The following NHERF2 variants were observed in gnomAD, a reference collection of about 807,000 sequenced individuals.
The protein encoded by NHERF2 is NHERF family PDZ scaffold protein 2.
the NHERF2 span, among the ~76,000 whole-genome samples, chr16:2,032,443 T>A: frequency 6.6e-6 from 1 of 152,188 alleles, no homozygotes; most frequent in Non-Finnish European, 1.5e-5. The surrounding 1 kb of genome is among the most constrained non-coding windows in gnomAD (Gnocchi z 4.0). Context: ...ATGCCTCAGA[T>A]GGTCAGGGAG....
chr16:2,035,023 C>T, the NHERF2 span, among the ~76,000 whole-genome samples: 1 of 152,100 alleles, frequency 6.6e-6, no homozygotes, highest in East Asian at 1.9e-4. Flanking sequence ...CCCAGCTGAG[C>T]CCCTGTGGGG....
the NHERF2 span, chr16:2,038,476 C>G: frequency 1.4e-5 from 5 of 369,654 alleles, no homozygotes; most frequent in African/African-American, 7.5e-5. Flanking sequence ...AAACCTTTCT[C>G]TGCAAACCAT....
chr16:2,034,316 G>A, the NHERF2 span, among the ~76,000 whole-genome samples: 2 of 151,326 alleles, frequency 1.3e-5, no homozygotes, highest in South Asian at 2.1e-4. Context: ...CCTTCCCTGC[G>A]TCCCAGGCCA....
chr16:2,036,334 G>C, the NHERF2 span: 1 of 1,608,144 alleles, frequency 6.2e-7, no homozygotes, highest in Admixed American at 1.7e-5. Flanking sequence ...GATGTCAGTG[G>C]GCCCCTGAGG....
chr16:2,027,019 AGCCGCTGCGGCCGCGCCTGT>A, the NHERF2 span: 1 of 1,190,210 alleles, frequency 8.4e-7, no homozygotes, highest in East Asian at 3.6e-5. Context: ...GCCGCGCCGG[AGCCGCTGCGGCCGCGCCTGT>A]GCCGCTTGGT....
the NHERF2 span, among the ~76,000 whole-genome samples, chr16:2,031,721 T>C: frequency 6.6e-6 from 1 of 152,194 alleles, no homozygotes; most frequent in Non-Finnish European, 1.5e-5. Context: ...TTCTCTCTTC[T>C]GGCATCAAGA....
chr16:2,033,321 G>A, the NHERF2 span: 16 of 1,532,864 alleles, frequency 1.0e-5, no homozygotes, highest in East Asian at 2.4e-5. Flanking sequence ...CCGGCCGGAC[G>A]CCTGCCACTT....
the NHERF2 span, chr16:2,035,606 G>A: frequency 1.0e-6 from 1 of 986,496 alleles, no homozygotes; most frequent in Non-Finnish European, 1.2e-6. Flanking sequence ...GCCGCACCCT[G>A]GCCCACCCCC....
the NHERF2 span, chr16:2,038,837 G>A: frequency 1.3e-5 from 2 of 155,610 alleles, no homozygotes; most frequent in Non-Finnish European, 2.8e-5. Context: ...GTGTGAGAGC[G>A]GCACCCGGGA....
At chr16:2,027,897 T>C in the NHERF2 span, among the ~76,000 whole-genome samples, 139,444 of 152,274 alleles carry the variant, frequency 0.92, 64,110 homozygotes, top group African/African-American at 0.98. Flanking sequence ...GCTGAGTTGG[T>C]CATTGCTGGC....
the NHERF2 span, chr16:2,037,098 T>C: frequency 2.2e-6 from 3 of 1,366,946 alleles, no homozygotes; most frequent in Admixed American, 4.1e-5. Flanking sequence ...CGAGGTGTGC[T>C]AGTGACACCC....
chr16:2,031,119 T>C, the NHERF2 span, among the ~76,000 whole-genome samples: 1 of 152,172 alleles, frequency 6.6e-6, no homozygotes, highest in African/African-American at 2.4e-5. Context: ...TGAAGCTGGC[T>C]GCCCCTAGGA....
At chr16:2,036,218 G>T in the NHERF2 span, 2 of 1,208,740 alleles carry the variant, frequency 1.7e-6, no homozygotes, top group Non-Finnish European at 2.3e-6. Context: ...GGGCCTGCCC[G>T]TGGGGGGCAC....
At chr16:2,036,893 C>T in the NHERF2 span, 1 of 1,602,700 alleles carries the variant, frequency 6.2e-7, no homozygotes, top group South Asian at 1.1e-5. Flanking sequence ...TGGGCCACGG[C>T]CCAGGGCACA....
the NHERF2 span, chr16:2,037,658 G>C: frequency 6.3e-7 from 1 of 1,584,450 alleles, no homozygotes; most frequent in Non-Finnish European, 8.6e-7. Context: ...CCTTGGGGTA[G>C]GCGTCTGTGG....
the NHERF2 span, among the ~76,000 whole-genome samples, chr16:2,028,318 T>A: frequency 2.9e-4 from 44 of 152,282 alleles, no homozygotes; most frequent in African/African-American, 9.9e-4. Flanking sequence ...TGCTGAAGAA[T>A]GTGGGGATCA....
chr16:2,036,319 T>C, the NHERF2 span: 4 of 1,603,746 alleles, frequency 2.5e-6, no homozygotes, highest in Non-Finnish European at 3.4e-6. Context: ...CCGTTGGGCC[T>C]GCAGGATGTC....
At chr16:2,038,276 C>T in the NHERF2 span, 12 of 544,986 alleles carry the variant, frequency 2.2e-5, no homozygotes, top group Non-Finnish European at 3.3e-5. Context: ...AGCGAGCGCG[C>T]GGCAGCCGCG....
chr16:2,029,557 C>G, the NHERF2 span: 3 of 1,551,958 alleles, frequency 1.9e-6, no homozygotes, highest in Admixed American at 1.9e-5. Flanking sequence ...GCCACTGACC[C>G]GCTCCTATCG....
Sources: allele counts gnomAD v4.1 joint callset (sites outside exome capture counted in the v4.1 genomes callset), GRCh38; gene constraint gnomAD v4.1.1; non-coding constraint Gnocchi (gnomAD v3.1); transcripts MANE v1.5; gene names NCBI Gene and HGNC (gene_info 2026-07-23, HGNC 2026-07-21).